Variants in PAPPA observed in about 807,000 individuals in gnomAD.
The protein encoded by PAPPA is pappalysin-1.
Under a neutral mutation model 164.0 loss-of-function variants are expected in PAPPA, and 60 were observed. The ratio of observed to expected loss-of-function variants is 0.37; its 90% CI spans 0.30 to 0.45. The LOEUF is 0.45. Ranked by LOEUF, PAPPA falls within the 20% of genes least tolerant of loss-of-function variation. The pLI, the probability that PAPPA is intolerant of heterozygous loss-of-function variation, is 1.00. For synonymous variants in PAPPA, 875 were observed against 814.1 expected, an observed-to-expected ratio of 1.07 and a Z score of -1.27; for missense variants, 1,782 against 2,087.3, an observed-to-expected ratio of 0.85 and a Z score of 2.85.
rs1363749453 is a variant in PAPPA, at chr9:116,154,048, G to C, written c.-125G>C. 2 of 1,136,290 alleles carry C rather than the reference G, an allele frequency of 1.8e-6. No homozygotes were observed. The highest frequency in any genetic ancestry group is 2.2e-6 in the Non-Finnish European group (2 of 916,684). 70.4% of individuals were successfully genotyped at this position (1,136,290 alleles called of 1,614,324 possible). A position where few individuals can be genotyped will look rare whatever the true frequency, so the allele number is the denominator to read the frequency against. On this transcript the variant is annotated 5_prime_UTR_variant, in exon 1 of 22. Coordinates refer to ENST00000328252, the MANE Select transcript of PAPPA (RefSeq NM_002581.5). This position sits in a 1 kb window ranked among gnomAD's most constrained non-coding sequence, Gnocchi z 5.2. Reference sequence around the variant, plus strand: ...AGCGAGAAAGAAAAGAAAAAAGCAAGTGGAAAGGGGGGCTCGCCCAAGAAG... The same window carrying C: ...AGCGAGAAAGAAAAGAAAAAAGCAACTGGAAAGGGGGGCTCGCCCAAGAAG...
At chr9:116,262,923 GC>G (rs1419711167) in intron 7 of PAPPA, among the ~76,000 whole-genome samples, 2 of 152,192 alleles carry the variant, frequency 1.3e-5, no homozygotes, top group African/African-American at 2.4e-5. Flanking sequence ...TGAGAAAAGA[GC>G]CCTCATTTAA....
Position 116,187,573 on chromosome 9 carries a change from A to C in PAPPA, c.835A>C (p.Thr279Pro). ...TGACATGGAAACCCATGGCGCCCAC[A>C]CTGCTCTACCTCAGCTCCTCCTCCA... ...LSDMETHGAH[T>P]ALPQLLLQEN... The change falls in exon 2 of 22, where the codon ACT becomes CCT. Residue 279 changes from threonine to proline, a missense_variant. Physicochemically the swap from Thr to Pro is conservative, Grantham distance 38. Around this residue, in one of 2 missense-constraint regions of PAPPA, gnomAD observed 458 missense variants for 430.3 expected, o/e 1.06. Coordinates refer to ENST00000328252, the MANE Select transcript of PAPPA (RefSeq NM_002581.5). The surrounding 1 kb of genome is among the most constrained non-coding windows in gnomAD (Gnocchi z 4.2). 6.2e-7 allele frequency: 1 copy of C among 1,614,172 alleles called. No individual in the cohort carries two copies. Among genetic ancestry groups the C allele is most frequent in the Non-Finnish European group, 8.5e-7 (1 of 1,180,032 alleles).
chr9:116,373,558 G>A (rs1312938298), intron 19 of PAPPA: 1 of 151,976 alleles, frequency 6.6e-6, no homozygotes, highest in Non-Finnish European at 1.5e-5. Flanking sequence ...CTGGATGAGG[G>A]GGCTCTCTTA....
intron 1 of PAPPA, among the ~76,000 whole-genome samples, chr9:116,166,747 T>A (rs1317035232): frequency 6.6e-6 from 1 of 152,212 alleles, no homozygotes; most frequent in Non-Finnish European, 1.5e-5. Flanking sequence ...AAGTACCAAT[T>A]GCTAATGGGT....
At chr9:116,226,581 G>A (rs994019439) in intron 5 of PAPPA, among the ~76,000 whole-genome samples, 75 of 152,292 alleles carry the variant, frequency 4.9e-4, no homozygotes, top group Non-Finnish European at 2.1e-4. Flanking sequence ...CCTCTGCAGA[G>A]GTCACTCAGA....
chr9:116,361,301 G>A (rs1216913518), intron 17 of PAPPA, among the ~76,000 whole-genome samples: 1 of 152,186 alleles, frequency 6.6e-6, no homozygotes, highest in South Asian at 2.1e-4. Flanking sequence ...AGAATATATA[G>A]CTTGTTCTTA....
chr9:116,196,196 G>T (rs960617624), intron 2 of PAPPA, among the ~76,000 whole-genome samples: 31 of 152,296 alleles, frequency 2.0e-4, no homozygotes, highest in African/African-American at 6.7e-4. Context: ...CCTTTGCGGG[G>T]AGAAGTCAGG....
Position 116,285,171 on chromosome 9 carries a change from C to CTTTTTTTTTTTTTTTTTTTTTTT in PAPPA, c.2953+13774_2953+13775insTTTTTTTTTTTTTTTTTTTTTTT. Among the ~76,000 whole-genome samples, 44 of 89,468 alleles carry CTTTTTTTTTTTTTTTTTTTTTTT rather than the reference C, an allele frequency of 4.9e-4. 1 individual carries two copies. The highest frequency in any genetic ancestry group is 6.8e-4 in the Admixed American group (5 of 7,352). 58.7% of individuals were successfully genotyped at this position (89,468 alleles called of 152,430 possible). ...CTTTTTCTTTTTCTTTTCTTTCTTT[C>CTTTTTTTTTTTTTTTTTTTTTTT]TTTTTTTTTTTTTTTTTTTGACAGA... is the stretch of plus-strand genomic sequence containing the variant. On this transcript the variant is annotated intron_variant, in intron 9 of 21. Transcript: ENST00000328252.
At position 116,307,003 on chromosome 9, in the gene PAPPA, G is replaced by C. The variant is rs532083865; in HGVS notation, c.3147+4053G>C. 2.0e-5 allele frequency among the ~76,000 whole-genome samples: 3 copies of C among 152,286 alleles called. No homozygotes were observed. In the South Asian group the frequency reaches 6.2e-4, roughly 32 times the overall value. Reference sequence around the variant, plus strand: ...AAACTTAGACTAAGCATTTCAAGGGGAGTAGTTTGAGGGCCAAAGTAAAGA... The same window carrying C: ...AAACTTAGACTAAGCATTTCAAGGGCAGTAGTTTGAGGGCCAAAGTAAAGA... On this transcript the variant is annotated intron_variant, in intron 10 of 21. Transcript: ENST00000328252.
Position 116,398,495 on chromosome 9 carries a change from AAG to A in PAPPA, c.*1883_*1884del, listed in dbSNP as rs1491076830. Reference sequence around the variant, plus strand: ...CATAGCACTTAAAAAAAAAAAAAAAAAGAGACCAAAAATAACTTTAGGAACCA... The same window carrying A: ...CATAGCACTTAAAAAAAAAAAAAAAAAGACCAAAAATAACTTTAGGAACCA... On this transcript the variant is annotated 3_prime_UTR_variant, in exon 22 of 22. Coordinates refer to ENST00000328252, the MANE Select transcript of PAPPA (RefSeq NM_002581.5). 5.3e-6 allele frequency: 6 copies of A among 1,126,248 alleles called. No homozygotes were observed. In the African/African-American group the frequency reaches 9.9e-5, roughly 18 times the overall value. 69.8% of individuals were successfully genotyped at this position (1,126,248 alleles called of 1,614,324 possible).
intron 1 of PAPPA, among the ~76,000 whole-genome samples, chr9:116,163,728 C>T (rs193219469): frequency 4.5e-4 from 69 of 152,256 alleles, no homozygotes; most frequent in East Asian, 7.7e-4. Context: ...GACACATTTT[C>T]GGCTTCCACA....
intron 2 of PAPPA, among the ~76,000 whole-genome samples, chr9:116,194,353 C>A (rs1484328524): frequency 6.6e-6 from 1 of 152,150 alleles, no homozygotes; most frequent in East Asian, 1.9e-4. Flanking sequence ...GAAGAGTTAA[C>A]CAGCATGCAG....
At chr9:116,184,873 C>G (rs905968655) in intron 1 of PAPPA, among the ~76,000 whole-genome samples, 1 of 152,146 alleles carries the variant, frequency 6.6e-6, no homozygotes, top group Non-Finnish European at 1.5e-5. Flanking sequence ...CCCATGCCTG[C>G]TGTAGCAAGG....
At chr9:116,254,824 A>G (rs2118788276) in intron 7 of PAPPA, among the ~76,000 whole-genome samples, 1 of 151,442 alleles carries the variant, frequency 6.6e-6, no homozygotes, top group Non-Finnish European at 1.5e-5. Context: ...AGACACTGAA[A>G]GGATCCTGAC....
At chr9:116,245,283 T>C (rs1040460891) in intron 7 of PAPPA, among the ~76,000 whole-genome samples, 8 of 152,184 alleles carry the variant, frequency 5.3e-5, no homozygotes, top group African/African-American at 1.9e-4. Flanking sequence ...AATAAAATTA[T>C]ATTTGTACCC....
At chr9:116,249,718 A>C (rs188770646) in intron 7 of PAPPA, among the ~76,000 whole-genome samples, 34 of 152,286 alleles carry the variant, frequency 2.2e-4, no homozygotes, top group South Asian at 2.1e-3. Flanking sequence ...AAAACTAATC[A>C]AAAGGAGGAG....
intron 7 of PAPPA, among the ~76,000 whole-genome samples, chr9:116,243,680 A>T (rs1844762559): frequency 6.6e-6 from 1 of 152,228 alleles, no homozygotes; most frequent in Non-Finnish European, 1.5e-5. Context: ...TCTTATTTCC[A>T]AAAGCAATAG....
intron 4 of PAPPA, among the ~76,000 whole-genome samples, chr9:116,216,339 T>C (rs920737490): frequency 6.6e-6 from 1 of 152,178 alleles, no homozygotes; most frequent in African/African-American, 2.4e-5. Context: ...AGGCATGGTA[T>C]TCATGACCTG....
chr9:116,378,186 A>G (rs1846680069), intron 20 of PAPPA, among the ~76,000 whole-genome samples: 1 of 152,192 alleles, frequency 6.6e-6, no homozygotes, highest in Admixed American at 6.5e-5. Flanking sequence ...GAAGTGAAAG[A>G]GCCTTTATAA....
Sources: gnomAD v4.1 joint callset for allele counts (sites outside exome capture counted in the v4.1 genomes callset) on GRCh38, gnomAD v4.1.1 for gene constraint, gnomAD v4.1.1 regional missense constraint, Gnocchi (gnomAD v3.1) non-coding constraint, MANE v1.5 for transcripts, NCBI Gene and HGNC (gene_info 2026-07-23, HGNC 2026-07-21) for gene names.